Variants in ARHGAP39 observed in about 807,000 individuals in gnomAD.
ARHGAP39 encodes the protein rho GTPase-activating protein 39.
ARHGAP39 carries 44 observed loss-of-function variants against 106.9 expected under a neutral mutation model. That is an observed-to-expected ratio of 0.41 (90% CI 0.32 to 0.53). ARHGAP39 has a LOEUF of 0.53. ARHGAP39 is among the 20% of genes least tolerant of loss of function. The pLI is 0.21. For synonymous variants in ARHGAP39, 768 were observed against 693.2 expected (o/e 1.11, Z -1.69); for missense variants, 1,496 against 1,577.3 (o/e 0.95, Z 0.87).
intron 4 of ARHGAP39, among the ~76,000 whole-genome samples, chr8:144,554,661 G>A (rs1377252595): frequency 6.6e-6 from 1 of 152,180 alleles, no homozygotes; most frequent in African/African-American, 2.4e-5. Flanking sequence ...ACTCTGCAGT[G>A]ACCACTGAGT....
At chr8:144,553,819 T>C (rs1353606341) in intron 4 of ARHGAP39, among the ~76,000 whole-genome samples, 2 of 152,256 alleles carry the variant, frequency 1.3e-5, no homozygotes, top group African/African-American at 4.8e-5. Flanking sequence ...AACACTGGGC[T>C]GGGCCGCCCA....
rs1348705401 is a variant in ARHGAP39 at position 144,556,294 on chromosome 8, A to AG, written c.513-652_513-651insC. On this transcript the variant is annotated intron_variant, in intron 3 of 11. Transcript: ENST00000377307. ...AGCAAGACTCCATCTAAAAAAAAAAAAAAAAAAAAAAGAAATACCCTTGGA... is the reference window on the plus strand; with the variant it reads ...AGCAAGACTCCATCTAAAAAAAAAAAGAAAAAAAAAAAGAAATACCCTTGGA... 1.8e-4 allele frequency among the ~76,000 whole-genome samples: 28 copies of AG among 151,850 alleles called. No individual in the cohort carries two copies. In the East Asian group the frequency reaches 5.0e-3, roughly 27 times the overall value.
chr8:144,599,080 TGAC>T (rs1819741308), intron 2 of ARHGAP39, among the ~76,000 whole-genome samples: 1 of 152,214 alleles, frequency 6.6e-6, no homozygotes, highest in Non-Finnish European at 1.5e-5. Context: ...AGGCAGCTGT[TGAC>T]GGCCCCGATG....
chr8:144,532,231 G>T, intron 10 of ARHGAP39, 74 bp downstream of exon 10: 1 of 1,324,228 alleles, frequency 7.6e-7, no homozygotes, highest in Non-Finnish European at 1.1e-6. Flanking sequence ...GGACCCCAGA[G>T]GCGGAGACAG....
intron 1 of ARHGAP39, among the ~76,000 whole-genome samples, chr8:144,643,715 C>T (rs1335802897): frequency 6.6e-6 from 1 of 152,088 alleles, no homozygotes; most frequent in Non-Finnish European, 1.5e-5. Flanking sequence ...ACCAAGACTT[C>T]TTAGACTCAA....
At chr8:144,685,893 G>A (rs1456590846), upstream of ARHGAP39, among the ~76,000 whole-genome samples, 4 of 149,634 alleles carry the variant, frequency 2.7e-5, no homozygotes. Flanking sequence ...CCCGCCTCCG[G>A]CTCCGCCCCC....
At chr8:144,602,356 CATG>C (rs1820038774) in intron 2 of ARHGAP39, among the ~76,000 whole-genome samples, 1 of 109,166 alleles carries the variant, frequency 9.2e-6, no homozygotes, top group Non-Finnish European at 1.8e-5. Context: ...TATGCATGTG[CATG>C]GAGGTGTGTG....
chr8:144,696,325 G>T, the ARHGAP39 span, among the ~76,000 whole-genome samples: 1 of 146,336 alleles, frequency 6.8e-6, no homozygotes, highest in Non-Finnish European at 1.5e-5. Context: ...GTTTAGTAGA[G>T]ACGGGGTTTC....
intron 3 of ARHGAP39, among the ~76,000 whole-genome samples, chr8:144,562,744 CCCAGTGGTTTCCATTGGACT>C (rs1341117602): frequency 0.017 from 2,141 of 129,058 alleles, 73 homozygotes; most frequent in African/African-American, 0.062. Context: ...TCCATCGCAC[CCCAGTGGTTTCCATTGGACT>C]CCAGTGGTTT....
intron 6 of ARHGAP39, among the ~76,000 whole-genome samples, chr8:144,542,359 C>T (rs1473400845): frequency 2.6e-5 from 4 of 152,196 alleles, no homozygotes; most frequent in Admixed American, 2.0e-4. Context: ...GGTGACCACA[C>T]AGTGCAGGTC....
intron 1 of ARHGAP39, among the ~76,000 whole-genome samples, chr8:144,614,590 T>A (rs575602819): frequency 1.2e-4 from 18 of 152,340 alleles, no homozygotes; most frequent in Admixed American, 6.5e-5. Flanking sequence ...TGGCCTCAGG[T>A]GATCCGCCCA....
At position 144,545,551 on chromosome 8, in the gene ARHGAP39, T is replaced by A; in HGVS notation, c.2219A>T (p.Lys740Met). 6.2e-7 allele frequency: 1 copy of A among 1,613,742 alleles called. No homozygotes were observed. The highest frequency in any genetic ancestry group is 8.5e-7 in the Non-Finnish European group (1 of 1,180,008). Residue 740 changes from lysine to methionine, a missense_variant, in exon 6 of 12, where the codon AAG (lysine) becomes ATG (methionine). This residue lies in a region of ARHGAP39 where 470 missense variants were observed against 605.1 expected (regional missense o/e 0.78). Coordinates refer to ENST00000377307, the MANE Select transcript of ARHGAP39 (RefSeq NM_025251.3). Reference sequence around the variant, plus strand: ...CTTGAAGAGCTCGCAGGCCTCCTTCTTCACGTGCCGGTCGCTTGTCACGAT... The same window carrying A: ...CTTGAAGAGCTCGCAGGCCTCCTTCATCACGTGCCGGTCGCTTGTCACGAT... The part of the protein sequence containing the change: ...PMIVTSDRHV[K>M]KEACELFKLI...
intron 3 of ARHGAP39, among the ~76,000 whole-genome samples, chr8:144,575,811 C>T (rs889793509): frequency 2.0e-5 from 3 of 152,202 alleles, no homozygotes; most frequent in Non-Finnish European, 1.5e-5. Context: ...CTCTGTAGGA[C>T]CGCAGTGCAG....
In ARHGAP39 at chr8:144,581,000, C is replaced by T; in HGVS notation, c.358G>A (p.Ala120Thr). 3 of 1,593,822 alleles carry T rather than the reference C, an allele frequency of 1.9e-6. No individual in the cohort carries two copies. Among genetic ancestry groups the T allele is most frequent in the Non-Finnish European group, 2.6e-6 (3 of 1,170,936 alleles). The change falls in exon 3 of 12, where the codon GCG (alanine) becomes ACG (threonine). Residue 120 changes from alanine to threonine, a missense_variant. Physicochemically the swap from Ala to Thr is moderately conservative, Grantham distance 58 (BLOSUM62 0). Coordinates refer to ENST00000377307, the MANE Select transcript of ARHGAP39 (RefSeq NM_025251.3). ...CTGCCGCGCCCGGGGCTGCTCTCCGCCGAGGCGCGCGGGGACTCCGTGTTC... is the reference window on the plus strand; with the variant it reads ...CTGCCGCGCCCGGGGCTGCTCTCCGTCGAGGCGCGCGGGGACTCCGTGTTC... ...KQNTESPRAS[A>T]ESSPGRGSSV...
At chr8:144,689,208 C>G (rs1822694500), upstream of ARHGAP39, among the ~76,000 whole-genome samples, 1 of 152,000 alleles carries the variant, frequency 6.6e-6, no homozygotes, top group African/African-American at 2.4e-5. Flanking sequence ...CCTGGCGCAT[C>G]ACAGGGTGCC....
chr8:144,560,874 T>C (rs1350507583), intron 3 of ARHGAP39, among the ~76,000 whole-genome samples: 2 of 152,236 alleles, frequency 1.3e-5, no homozygotes, highest in East Asian at 3.8e-4. Flanking sequence ...GTGGAGTATT[T>C]CATCACGGCA....
intron 8 of ARHGAP39, 117 bp downstream of exon 8, chr8:144,534,012 T>C (rs976127723): frequency 3.4e-6 from 4 of 1,186,726 alleles, no homozygotes; most frequent in African/African-American, 1.5e-5. Context: ...GCGGGCTCCA[T>C]GTGGCACCCT....
intron 8 of ARHGAP39, among the ~76,000 whole-genome samples, chr8:144,533,680 G>A (rs911383091): frequency 2.0e-5 from 3 of 152,252 alleles, no homozygotes; most frequent in African/African-American, 7.2e-5. Context: ...GTGAGTCCTG[G>A]GCCGGCCAGG....
chr8:144,558,585 G>A (rs900989256), intron 3 of ARHGAP39, among the ~76,000 whole-genome samples: 4 of 1,076 alleles, frequency 3.7e-3, no homozygotes, highest in Non-Finnish European at 6.1e-3. Context: ...GAGTCACCGC[G>A]CCTGGCCATA....
Sources: allele counts gnomAD v4.1 joint callset (sites outside exome capture counted in the v4.1 genomes callset), GRCh38; gene constraint gnomAD v4.1.1; regional missense constraint gnomAD v4.1.1; transcripts MANE v1.5; gene names NCBI Gene and HGNC (gene_info 2026-07-23, HGNC 2026-07-21).